DAB1: variants seen among roughly 807,000 people sequenced by gnomAD.
DAB1 encodes the protein DAB adaptor protein 1, also known as disabled homolog 1.
A neutral mutation model predicts 64.6 loss-of-function variants in DAB1; 15 were observed. The observed-to-expected ratio is 0.23, with a 90% CI of 0.16 to 0.36. The LOEUF is 0.36. Ranked by LOEUF, DAB1 falls within the 10% of genes least tolerant of loss-of-function variation. The pLI is 1.00. For missense variants in DAB1, 596 were observed against 706.7 expected, an observed-to-expected ratio of 0.84 and a Z score of 1.78; for synonymous variants, 235 against 251.9, an observed-to-expected ratio of 0.93 and a Z score of 0.64.
intron 3 of DAB1, among the ~76,000 whole-genome samples, chr1:58,386,976 C>T (rs561813454): frequency 1.3e-5 from 2 of 152,284 alleles, no homozygotes; most frequent in South Asian, 2.1e-4. Context: ...AGGAGAATCG[C>T]TTGAATCCGG....
intron 6 of DAB1, among the ~76,000 whole-genome samples, chr1:57,801,479 A>G (rs1232181507): frequency 6.6e-6 from 1 of 152,178 alleles, no homozygotes; most frequent in Non-Finnish European, 1.5e-5. Context: ...AAAAATATAG[A>G]AGACTTATCT....
chr1:57,294,462 T>C (rs1673031122), intron 1 of DAB1, among the ~76,000 whole-genome samples: 1 of 128,054 alleles, frequency 7.8e-6, no homozygotes, highest in African/African-American at 2.8e-5. Flanking sequence ...AAAACAGATA[T>C]GCCTTTTTTT....
chr1:57,779,343 C>T (rs537042470), intron 6 of DAB1, among the ~76,000 whole-genome samples: 45 of 152,132 alleles, frequency 3.0e-4, no homozygotes, highest in South Asian at 6.2e-4. Flanking sequence ...GTGACTGAAG[C>T]GAAATGAAGG....
At position 57,251,093 on chromosome 1, in the gene DAB1, G is replaced by A. The variant is rs567129939; in HGVS notation, c.67+39871C>T. On this transcript the variant is annotated intron_variant, in intron 2 of 14. Transcript: ENST00000371236. ...ATTTATAGAGAAACCATATATTATT[G>A]TACATGGTTTTCATACCTTGAGGTG... is the stretch of plus-strand genomic sequence containing the variant. Among the ~76,000 whole-genome samples the A allele has an allele frequency of 5.3e-5, 8 of 152,320 alleles. No homozygotes were observed. In the South Asian group the frequency reaches 1.5e-3, roughly 28 times the overall value.
At chr1:58,181,521 T>C (rs896880879) in intron 4 of DAB1, among the ~76,000 whole-genome samples, 33 of 152,100 alleles carry the variant, frequency 2.2e-4, no homozygotes, top group Admixed American at 1.7e-3. Flanking sequence ...TCCTCCTTAA[T>C]TGCCTTCTTC....
chr1:58,505,273 T>C (rs535364796), intron 3 of DAB1, among the ~76,000 whole-genome samples: 2 of 152,368 alleles, frequency 1.3e-5, no homozygotes, highest in Admixed American at 6.5e-5. Context: ...TCTGTTGTGC[T>C]ATGCCTTAGC....
chr1:58,167,254 T>C (rs1655890437), intron 4 of DAB1, among the ~76,000 whole-genome samples: 1 of 152,334 alleles, frequency 6.6e-6, no homozygotes, highest in Non-Finnish European at 1.5e-5. Context: ...ATCAGCACTC[T>C]GTAAAAATGC....
At chr1:57,938,634 T>C (rs1406322826) in intron 5 of DAB1, among the ~76,000 whole-genome samples, 2 of 152,158 alleles carry the variant, frequency 1.3e-5, no homozygotes, top group African/African-American at 4.8e-5. Context: ...AGAACTGTGA[T>C]TCAATTAAAC....
intron 5 of DAB1, among the ~76,000 whole-genome samples, chr1:57,906,244 T>G (rs1245397228): frequency 2.0e-5 from 3 of 152,190 alleles, no homozygotes; most frequent in African/African-American, 7.2e-5. Flanking sequence ...ATAACCATAA[T>G]GAACCAATAC....
intron 1 of DAB1, chr1:58,539,253 A>G (rs1189011673): frequency 9.2e-6 from 8 of 869,338 alleles, no homozygotes; most frequent in Non-Finnish European, 1.6e-5. Flanking sequence ...GGAAGAAAAC[A>G]TGGTTTCTAG....
chr1:57,394,771 C>T (rs1682667714), intron 1 of DAB1, among the ~76,000 whole-genome samples: 1 of 152,212 alleles, frequency 6.6e-6, no homozygotes, highest in African/African-American at 2.4e-5. Flanking sequence ...AAGCCTTTAA[C>T]TGTGCATTGA....
intron 4 of DAB1, among the ~76,000 whole-genome samples, chr1:57,082,769 A>G (rs181885641): frequency 2.4e-4 from 36 of 152,186 alleles, no homozygotes; most frequent in African/African-American, 7.7e-4. Context: ...ATAAGTGAAA[A>G]CATGCGGTAT....
At chr1:57,841,148 A>T (rs1169955539) in intron 1 of DAB1, among the ~76,000 whole-genome samples, 1 of 152,352 alleles carries the variant, frequency 6.6e-6, no homozygotes, top group East Asian at 1.9e-4. Context: ...CCAACAGGGT[A>T]GTCATTAAAT....
At chr1:58,132,124 G>T (rs1259452345) in intron 5 of DAB1, among the ~76,000 whole-genome samples, 2 of 152,186 alleles carry the variant, frequency 1.3e-5, no homozygotes, top group African/African-American at 2.4e-5. Flanking sequence ...CGTGGGCGTA[G>T]GACCCTCCAA....
At chr1:58,294,334 G>A (rs1489348257) in intron 4 of DAB1, among the ~76,000 whole-genome samples, 2 of 151,984 alleles carry the variant, frequency 1.3e-5, no homozygotes, top group Admixed American at 1.3e-4. Context: ...TCCATTCATA[G>A]CATCTTCAGT....
intron 5 of DAB1, among the ~76,000 whole-genome samples, chr1:58,065,562 T>C (rs551890491): frequency 5.3e-5 from 8 of 152,130 alleles, no homozygotes; most frequent in African/African-American, 1.9e-4. Flanking sequence ...GAAAAGAAAA[T>C]GTACTTCATG....
intron 3 of DAB1, among the ~76,000 whole-genome samples, chr1:58,354,451 T>C (rs552541646): frequency 6.6e-6 from 1 of 152,296 alleles, no homozygotes; most frequent in East Asian, 1.9e-4. Flanking sequence ...TTTGCTTTAA[T>C]AAAAAATGAA....
chr1:57,629,563 C>T (rs1402104475), intron 7 of DAB1, among the ~76,000 whole-genome samples: 1 of 152,096 alleles, frequency 6.6e-6, no homozygotes, highest in Non-Finnish European at 1.5e-5. Context: ...CATCATTCAA[C>T]CACTTTGAAT....
At chr1:57,335,457 G>C (rs1021670638) in intron 1 of DAB1, among the ~76,000 whole-genome samples, 5 of 152,140 alleles carry the variant, frequency 3.3e-5, no homozygotes, top group Non-Finnish European at 7.3e-5. Context: ...GAACAATTCA[G>C]GAGGTCAAAT....
Sources: allele counts gnomAD v4.1 joint callset (sites outside exome capture counted in the v4.1 genomes callset), GRCh38; gene constraint gnomAD v4.1.1; transcripts MANE v1.5; gene names NCBI Gene and HGNC (gene_info 2026-07-23, HGNC 2026-07-21).